Variants in SEC23B observed in about 807,000 individuals in gnomAD.
The protein encoded by SEC23B is SEC23 homolog B, COPII component, also known as protein transport protein Sec23B.
In SEC23B, 77 loss-of-function variants were observed where a neutral mutation model predicts 104.3. The ratio of observed to expected loss-of-function variants is 0.74; its 90% CI spans 0.61 to 0.89. SEC23B has a LOEUF of 0.89. Ranked by LOEUF, SEC23B falls within the 40% of genes least tolerant of loss-of-function variation. The pLI, the probability that SEC23B is intolerant of heterozygous loss-of-function variation, is 0.00. For synonymous variants in SEC23B, 338 were observed against 332.5 expected, an observed-to-expected ratio of 1.02 and a Z score of -0.18; for missense variants, 885 against 949.4, an observed-to-expected ratio of 0.93 and a Z score of 0.89.
At chr20:18,532,609 C>G in intron 10 of SEC23B, 55 bp from the exon 11 acceptor site, 1 of 1,231,062 alleles carries the variant, frequency 8.1e-7, no homozygotes, top group South Asian at 1.2e-5. Context: ...GCCATGATGA[C>G]AGCAGGGTGG....
intron 19 of SEC23B, 140 bp downstream of exon 19, chr20:18,555,313 G>A (rs1049665842): frequency 2.7e-6 from 2 of 727,430 alleles, no homozygotes; most frequent in Non-Finnish European, 4.8e-6. Context: ...GGAGTGGCGG[G>A]GAGGGAAACA....
At chr20:18,536,829 CT>C (rs2060236654) in intron 12 of SEC23B, among the ~76,000 whole-genome samples, 1 of 152,016 alleles carries the variant, frequency 6.6e-6, no homozygotes, top group Non-Finnish European at 1.5e-5. Flanking sequence ...GTCCTGTATT[CT>C]TACAATAAAG....
At chr20:18,545,919 G>T in intron 14 of SEC23B, 37 bp from the exon 15 acceptor site, 3 of 1,159,262 alleles carry the variant, frequency 2.6e-6, no homozygotes, top group Non-Finnish European at 3.9e-6. Flanking sequence ...CTCTTTTTGT[G>T]TGTGTTTGTT....
chr20:18,508,478 C>A (rs934425787), intron 1 of SEC23B, among the ~76,000 whole-genome samples: 4 of 152,168 alleles, frequency 2.6e-5, no homozygotes, highest in Admixed American at 2.6e-4. Context: ...TTTACCTCTT[C>A]AGATACCTTC....
At position 18,524,991 on chromosome 20, in the gene SEC23B, A is replaced by C. The variant is rs1304819194; in HGVS notation, c.660A>C (p.Gln220His). ...AMPMQQARPA[Q>H]PQEHPFASSR... ...CCATGCAGCAAGCACGACCTGCACA[A>C]CCACAGGAGCACCCTTTTGCTTCAA... Residue 220 changes from glutamine to histidine, a missense_variant, in exon 6 of 20, where the codon CAA becomes CAC. Physicochemically the swap from Gln to His is conservative, Grantham distance 24 (BLOSUM62 0). Coordinates refer to ENST00000650089, the MANE Select transcript of SEC23B (RefSeq NM_006363.6). 2.5e-6 allele frequency: 4 copies of C among 1,614,128 alleles called. No homozygotes were observed. Among genetic ancestry groups the C allele is most frequent in the Non-Finnish European group, 1.7e-6 (2 of 1,180,022 alleles).
intron 10 of SEC23B, 22 bp from the exon 11 acceptor site, chr20:18,532,642 C>A: frequency 6.4e-7 from 1 of 1,564,008 alleles, no homozygotes; most frequent in Non-Finnish European, 8.8e-7. Flanking sequence ...TTTAACTTTA[C>A]ACTGTCACAT....
At chr20:18,524,785 A>G (rs1015440940) in intron 5 of SEC23B, 116 bp downstream of exon 5, 12 of 1,201,536 alleles carry the variant, frequency 1.0e-5, no homozygotes, top group Non-Finnish European at 1.5e-5. Flanking sequence ...TCATTGCTCA[A>G]TGGCTCAAGC....
At chr20:18,522,573 C>G (rs1007383742) in intron 4 of SEC23B, among the ~76,000 whole-genome samples, 2 of 152,154 alleles carry the variant, frequency 1.3e-5, no homozygotes, top group Non-Finnish European at 2.9e-5. Flanking sequence ...CGGATCTCTT[C>G]ACGGGGTGAG....
chr20:18,536,195 C>T (rs1368463825), intron 12 of SEC23B, among the ~76,000 whole-genome samples: 1 of 152,152 alleles, frequency 6.6e-6, no homozygotes, highest in Non-Finnish European at 1.5e-5. Context: ...TTCCAGACTA[C>T]CACAATAAAG....
chr20:18,526,105 T>C (rs774020347), intron 7 of SEC23B, among the ~76,000 whole-genome samples, 173 bp downstream of exon 7: 10 of 152,336 alleles, frequency 6.6e-5, no homozygotes, highest in Non-Finnish European at 1.5e-4. Context: ...CTCAACATTT[T>C]GAAAATGCCA....
In SEC23B at chr20:18,524,795, C is replaced by T; in HGVS notation, c.603+126C>T. 4.2e-6 allele frequency: 5 copies of T among 1,197,380 alleles called. 1 individual carries two copies. In the South Asian group the frequency reaches 6.2e-5, roughly 15 times the overall value. 74.2% of individuals were successfully genotyped at this position (1,197,380 alleles called of 1,614,324 possible). ...TGTGATCATTGCTCAATGGCTCAAG[C>T]CATTGGCCCACCTCAGCCTCATGAG... On this transcript the variant is annotated intron_variant, in intron 5 of 19. Transcript: ENST00000650089.
chr20:18,530,861 C>G, intron 10 of SEC23B, 58 bp downstream of exon 10: 1 of 1,389,670 alleles, frequency 7.2e-7, no homozygotes, highest in Non-Finnish European at 1.0e-6. Context: ...AGGCTGGTCT[C>G]AAACTCCTGG....
chr20:18,546,984 A>C (rs926628959), intron 15 of SEC23B, among the ~76,000 whole-genome samples: 4 of 150,740 alleles, frequency 2.7e-5, no homozygotes, highest in Non-Finnish European at 4.4e-5. Context: ...CAGCACATAA[A>C]GCAGACAGAG....
At chr20:18,551,034 T>C in intron 16 of SEC23B, 55 bp from the exon 17 acceptor site, 2 of 1,120,704 alleles carry the variant, frequency 1.8e-6, no homozygotes, top group Non-Finnish European at 2.7e-6. Flanking sequence ...TGGAAGTGGT[T>C]GCTGTGTGGG....
At chr20:18,549,244 C>T (rs562915544) in intron 16 of SEC23B, among the ~76,000 whole-genome samples, 1 of 152,228 alleles carries the variant, frequency 6.6e-6, no homozygotes, top group East Asian at 1.9e-4. Flanking sequence ...CCCTCAGATA[C>T]CAGAATTCTT....
chr20:18,547,809 C>A (rs975372348), intron 15 of SEC23B, among the ~76,000 whole-genome samples: 1 of 152,160 alleles, frequency 6.6e-6, no homozygotes, highest in Non-Finnish European at 1.5e-5. Flanking sequence ...GGCCTGACTT[C>A]TGAGAGCAGA....
intron 8 of SEC23B, 27 bp from the exon 9 acceptor site, chr20:18,527,469 C>G (rs2060143900): frequency 7.6e-7 from 1 of 1,313,924 alleles, no homozygotes; most frequent in Non-Finnish European, 1.1e-6. Context: ...TCACTGTTTC[C>G]TAAAGATAGC....
Position 18,555,572 on chromosome 20 carries a change from C to T in SEC23B, c.2214+399C>T, listed in dbSNP as rs138507388. On this transcript the variant is annotated intron_variant, in intron 19 of 19. Coordinates refer to ENST00000650089, the MANE Select transcript of SEC23B (RefSeq NM_006363.6). ...AGCCTAATTCCTTCCCTTTTCTTCC[C>T]CCAACCCCGCCTGATTACTACTTTA... Among the ~76,000 whole-genome samples the T allele has an allele frequency of 2.4e-3, 368 of 152,226 alleles. 7 individuals carry two copies. Among genetic ancestry groups the T allele is most frequent in the Admixed American group, 0.02 (303 of 15,276 alleles).
chr20:18,516,248 C>CTT (rs71194246), intron 4 of SEC23B, among the ~76,000 whole-genome samples: 53,175 of 138,778 alleles, frequency 0.38, 10,840 homozygotes, highest in Non-Finnish European at 0.47. Context: ...CACAGTAATT[C>CTT]TTTTTTTTTT....
Sources: gnomAD v4.1 joint callset for allele counts (sites outside exome capture counted in the v4.1 genomes callset) on GRCh38, gnomAD v4.1.1 for gene constraint, MANE v1.5 for transcripts, NCBI Gene and HGNC (gene_info 2026-07-23, HGNC 2026-07-21) for gene names.